Variants in TIAM1 observed in about 807,000 individuals in gnomAD.
The protein encoded by TIAM1 is rho guanine nucleotide exchange factor TIAM1.
Under a neutral mutation model 163.5 loss-of-function variants are expected in TIAM1, and 65 were observed. The ratio of observed to expected loss-of-function variants is 0.40; its 90% CI spans 0.33 to 0.49. The LOEUF (loss-of-function observed/expected upper bound fraction) is 0.49, where lower values mean the gene tolerates loss of function less well. Ranked by LOEUF, TIAM1 falls within the 20% of genes least tolerant of loss-of-function variation. The pLI, the probability that TIAM1 is intolerant of heterozygous loss-of-function variation, is 0.77. For synonymous variants in TIAM1, 833 were observed against 810.1 expected, an observed-to-expected ratio of 1.03 and a Z score of -0.48; for missense variants, 1,789 against 2,044.7, an observed-to-expected ratio of 0.87 and a Z score of 2.41.
At chr21:31,517,478 G>C (rs1196175732) in intron 1 of TIAM1, among the ~76,000 whole-genome samples, 1 of 152,128 alleles carries the variant, frequency 6.6e-6, no homozygotes, top group Non-Finnish European at 1.5e-5. Context: ...TGTCCCCAAA[G>C]TTATCCCCAG....
intron 1 of TIAM1, among the ~76,000 whole-genome samples, chr21:31,492,051 A>G (rs879467313): frequency 9.0e-5 from 13 of 145,124 alleles, no homozygotes; most frequent in Non-Finnish European, 1.4e-4. Context: ...ATATGTGTGT[A>G]TATATATATG....
chr21:31,298,523 C>CA (rs1342352801), intron 2 of TIAM1, among the ~76,000 whole-genome samples: 2 of 152,068 alleles, frequency 1.3e-5, no homozygotes, highest in African/African-American at 4.8e-5. Context: ...TTGGCATTTC[C>CA]AAATATCAGT....
intron 2 of TIAM1, among the ~76,000 whole-genome samples, chr21:31,423,272 G>GT (rs1350529945): frequency 6.6e-6 from 1 of 151,568 alleles, no homozygotes; most frequent in African/African-American, 2.4e-5. Context: ...CTAATTTTTT[G>GT]TATTTTTAGT....
chr21:31,210,147 C>G lies in TIAM1; in HGVS notation c.2286G>C (p.Glu762Asp). The change falls in exon 11 of 28, where the codon GAG (glutamate) becomes GAC (aspartate). Residue 762 changes from glutamate (E) to aspartate (D), a missense_variant. By Grantham distance (45) the Glu-to-Asp change is conservative. This residue lies in a region of TIAM1 where 456 missense variants were observed against 586.6 expected (regional missense o/e 0.78). Coordinates refer to ENST00000541036, the MANE Select transcript of TIAM1 (RefSeq NM_001353694.2). Reference sequence around the variant, plus strand: ...GACAGAACCAGGATGGAGTGAAATACTCGTGGACCCAAATGTCGCAGTCAG... The same window carrying G: ...GACAGAACCAGGATGGAGTGAAATAGTCGTGGACCCAAATGTCGCAGTCAG... ...HNPDCDIWVH[E>D]YFTPSWFCLP... 6.2e-7 allele frequency: 1 copy of G among 1,614,154 alleles called. No individual in the cohort carries two copies. Among genetic ancestry groups the G allele is most frequent in the Non-Finnish European group, 8.5e-7 (1 of 1,180,036 alleles).
At chr21:31,129,887 C>T (rs2082341927) in intron 25 of TIAM1, among the ~76,000 whole-genome samples, 1 of 152,096 alleles carries the variant, frequency 6.6e-6, no homozygotes, top group African/African-American at 2.4e-5. Context: ...GAAGCACAGG[C>T]TCACTGTACT....
chr21:31,377,570 T>A (rs911056327), intron 2 of TIAM1, among the ~76,000 whole-genome samples: 2 of 152,198 alleles, frequency 1.3e-5, no homozygotes, highest in Non-Finnish European at 2.9e-5. Flanking sequence ...TGACAGACAC[T>A]GATGCCAAGC....
intron 2 of TIAM1, among the ~76,000 whole-genome samples, chr21:31,312,914 C>A (rs556763873): frequency 6.6e-6 from 1 of 152,170 alleles, no homozygotes; most frequent in Non-Finnish European, 1.5e-5. Flanking sequence ...GGTTATGATA[C>A]AGAAATGTGT....
At chr21:31,303,041 T>C (rs1414502814) in intron 2 of TIAM1, among the ~76,000 whole-genome samples, 1 of 152,174 alleles carries the variant, frequency 6.6e-6, no homozygotes, top group Non-Finnish European at 1.5e-5. Flanking sequence ...TTCATATCAC[T>C]AAAACGAACA....
chr21:31,448,069 C>A (rs1176394389), intron 2 of TIAM1, among the ~76,000 whole-genome samples: 1 of 152,134 alleles, frequency 6.6e-6, no homozygotes, highest in Non-Finnish European at 1.5e-5. Context: ...AGAGACGAGG[C>A]CAATATCTTT....
intron 2 of TIAM1, among the ~76,000 whole-genome samples, chr21:31,462,065 T>C (rs2045349217): frequency 6.6e-6 from 1 of 152,220 alleles, no homozygotes; most frequent in Non-Finnish European, 1.5e-5. Context: ...TATTCCTGTG[T>C]GATCCATCTA....
At chr21:31,237,292 T>C (rs1347528047) in intron 6 of TIAM1, among the ~76,000 whole-genome samples, 1 of 152,216 alleles carries the variant, frequency 6.6e-6, no homozygotes, top group Admixed American at 6.5e-5. Flanking sequence ...TACAGGTTTT[T>C]CCCTAACCTG....
chr21:31,367,976 G>A (rs190269181), intron 2 of TIAM1, among the ~76,000 whole-genome samples: 24 of 152,256 alleles, frequency 1.6e-4, no homozygotes, highest in African/African-American at 5.3e-4. Context: ...ATGGATCAAT[G>A]AGCTGAACCC....
intron 16 of TIAM1, among the ~76,000 whole-genome samples, chr21:31,154,876 A>G (rs2146328603): frequency 6.6e-6 from 1 of 152,324 alleles, no homozygotes. Flanking sequence ...AAGCCTCATT[A>G]ATTATCAGAC....
At chr21:31,365,236 A>G (rs2076479339) in intron 2 of TIAM1, among the ~76,000 whole-genome samples, 1 of 152,170 alleles carries the variant, frequency 6.6e-6, no homozygotes, top group South Asian at 2.1e-4. Flanking sequence ...AAGAGATCTA[A>G]CACAACGCAC....
At position 31,120,877 on chromosome 21, in the gene TIAM1, A is replaced by G; in HGVS notation, c.4307-40T>C. The G allele has an allele frequency of 6.6e-7, 1 of 1,519,856 alleles. No homozygotes were observed. Among genetic ancestry groups the G allele is most frequent in the East Asian group, 2.3e-5 (1 of 43,176 alleles). 94.1% of individuals were successfully genotyped at this position (1,519,856 alleles called of 1,614,324 possible). A position where few individuals can be genotyped will look rare whatever the true frequency, so the allele number is the denominator to read the frequency against. ...AAAAATATAAAAATAAAACCCCCAC[A>G]TGCTTTACGTGAGATGAAAATCCAG... On this transcript the variant is annotated intron_variant, in intron 27 of 27. Coordinates refer to ENST00000541036, the MANE Select transcript of TIAM1 (RefSeq NM_001353694.2). This position sits in a 1 kb window ranked among gnomAD's most constrained non-coding sequence, Gnocchi z 4.2.
At chr21:31,341,265 G>A (rs2076008383) in intron 1 of TIAM1, among the ~76,000 whole-genome samples, 1 of 152,188 alleles carries the variant, frequency 6.6e-6, no homozygotes, top group South Asian at 2.1e-4. Flanking sequence ...GATCACATTT[G>A]GGGAAATACA....
intron 2 of TIAM1, among the ~76,000 whole-genome samples, chr21:31,323,344 A>G (rs914662763): frequency 2.6e-5 from 4 of 152,054 alleles, no homozygotes. Context: ...GTGCTAAACC[A>G]GTCTGAAAAG....
chr21:31,506,879 T>C (rs2047046339), intron 1 of TIAM1, among the ~76,000 whole-genome samples: 2 of 152,190 alleles, frequency 1.3e-5, no homozygotes, highest in African/African-American at 2.4e-5. Context: ...ATCGTGCCAC[T>C]ATACTCCAGC....
At chr21:31,471,857 G>A (rs1357392265) in intron 1 of TIAM1, among the ~76,000 whole-genome samples, 4 of 143,196 alleles carry the variant, frequency 2.8e-5, no homozygotes, top group Admixed American at 7.0e-5. Context: ...CAACAAGAGC[G>A]AAACTCCATC....
Sources: gnomAD v4.1 joint callset for allele counts (sites outside exome capture counted in the v4.1 genomes callset) on GRCh38, gnomAD v4.1.1 for gene constraint, gnomAD v4.1.1 regional missense constraint, Gnocchi (gnomAD v3.1) non-coding constraint, MANE v1.5 for transcripts, NCBI Gene and HGNC (gene_info 2026-07-23, HGNC 2026-07-21) for gene names.